TEX14: variants seen among roughly 807,000 people sequenced by gnomAD.
The protein encoded by TEX14 is inactive serine/threonine-protein kinase TEX14.
Under a neutral mutation model 178.6 loss-of-function variants are expected in TEX14, and 168 were observed. The observed-to-expected ratio is 0.94, with a 90% CI of 0.83 to 1.07. The LOEUF (loss-of-function observed/expected upper bound fraction) is 1.07. TEX14 is among the 50% of genes least tolerant of loss of function. The probability of loss-of-function intolerance (pLI) is 0.00; values close to 1 mark genes in which losing one functional copy is unlikely to be tolerated. For missense variants in TEX14, 1,730 were observed against 1,753.6 expected (o/e 0.99, Z 0.24); for synonymous variants, 626 against 634.1 (o/e 0.99, Z 0.19).
At chr17:58,576,548 A>G (rs954400561) in intron 21 of TEX14, among the ~76,000 whole-genome samples, 1 of 152,218 alleles carries the variant, frequency 6.6e-6, no homozygotes, top group Non-Finnish European at 1.5e-5. Flanking sequence ...ACTTTATCCC[A>G]GTGGTAACAT....
At chr17:58,628,887 G>GA (rs879646693) in intron 3 of TEX14, among the ~76,000 whole-genome samples, 100 of 128,520 alleles carry the variant, frequency 7.8e-4, no homozygotes, top group African/African-American at 8.5e-4. Flanking sequence ...TCCATCACAA[G>GA]AAAAAAAAAA....
chr17:58,636,850 T>C (rs1598407247), intron 2 of TEX14, among the ~76,000 whole-genome samples: 1 of 150,624 alleles, frequency 6.6e-6, no homozygotes, highest in Non-Finnish European at 1.5e-5. Flanking sequence ...GAGGCAGAGG[T>C]TGCAGTGAGC....
At chr17:58,598,757 T>C (rs781045979) in intron 14 of TEX14, 119 bp downstream of exon 14, 1 of 1,019,094 alleles carries the variant, frequency 9.8e-7, no homozygotes, top group Non-Finnish European at 1.5e-6. Flanking sequence ...GGTTACCTGA[T>C]GGCTTATCTC....
intron 3 of TEX14, among the ~76,000 whole-genome samples, chr17:58,625,077 C>T (rs183472127): frequency 1.2e-3 from 183 of 152,080 alleles, no homozygotes; most frequent in Admixed American, 2.0e-3. Context: ...ATCCTCCTTG[C>T]TGCAAAAACA....
intron 2 of TEX14, among the ~76,000 whole-genome samples, chr17:58,645,828 A>G (rs191586831): frequency 6.6e-6 from 1 of 152,332 alleles, no homozygotes; most frequent in Non-Finnish European, 1.5e-5. Context: ...CTCCCATACC[A>G]GTAAAATCCA....
At chr17:58,589,633 C>T (rs2045075023) in intron 15 of TEX14, among the ~76,000 whole-genome samples, 1 of 146,180 alleles carries the variant, frequency 6.8e-6, no homozygotes, top group Non-Finnish European at 1.5e-5. Context: ...GCCCTACTCT[C>T]CAGCTGGACC....
At chr17:58,586,819 T>G (rs2044987772) in intron 17 of TEX14, among the ~76,000 whole-genome samples, 1 of 152,168 alleles carries the variant, frequency 6.6e-6, no homozygotes, top group Non-Finnish European at 1.5e-5. Context: ...GCATGGGTTT[T>G]TTCCAGGTAG....
Position 58,599,001 on chromosome 17 carries a change from A to G in TEX14, c.2344T>C (p.Tyr782His). 1 of 1,614,132 alleles carries G rather than the reference A, an allele frequency of 6.2e-7. No homozygotes were observed. Among genetic ancestry groups the G allele is most frequent in the Middle Eastern group, 1.6e-4 (1 of 6,062 alleles). ...WATSREFTNA[Y>H]KLPLAVGPPS... The stretch of plus-strand genomic sequence containing the variant: ...GGGCCCACGGCCAGAGGTAACTTGT[A>G]GGCATTTGTAAACTCTCTTGAAGTG... Residue 782 changes from tyrosine to histidine, a missense_variant, in exon 14 of 32, where the codon TAC (tyrosine) becomes CAC (histidine). Around this residue, in one of 2 missense-constraint regions of TEX14, gnomAD observed 941 missense variants for 1,072.4 expected, o/e 0.88. Coordinates refer to ENST00000349033, the MANE Select transcript of TEX14 (RefSeq NM_031272.5).
At chr17:58,666,702 T>C (rs911615715) in intron 1 of TEX14, 1 of 152,160 alleles carries the variant, frequency 6.6e-6, no homozygotes, top group Non-Finnish European at 1.5e-5. Flanking sequence ...AATTATGAGG[T>C]ACTTGCGTGA....
Position 58,599,466 on chromosome 17 carries a change from A to G in TEX14, c.1879T>C (p.Ser627Pro). ...TCATCTTCCAAAATCAAGCAGCCTG[A>G]GTAGATCTCGTTGATTTCGAAACTG... is the stretch of plus-strand genomic sequence containing the variant. ...LCSFEINEIY[S>P]GCLILEDDIE... The change falls in exon 14 of 32, where the codon TCA (serine) becomes CCA (proline). Residue 627 changes from serine (S) to proline (P), a missense_variant. By Grantham distance (74) the Ser-to-Pro change is moderately conservative. This residue lies in a region of TEX14 where 941 missense variants were observed against 1,072.4 expected (regional missense o/e 0.88). Transcript: ENST00000349033. 1.2e-6 allele frequency: 2 copies of G among 1,604,558 alleles called. No individual in the cohort carries two copies. Among genetic ancestry groups the G allele is most frequent in the Non-Finnish European group, 1.7e-6 (2 of 1,175,762 alleles).
At position 58,569,652 on chromosome 17, in the gene TEX14, T is replaced by C. The variant is rs2044476976; in HGVS notation, c.3818-392A>G. Among the ~76,000 whole-genome samples, 1 of 152,210 alleles carries C rather than the reference T, an allele frequency of 6.6e-6. No homozygotes were observed. The highest frequency in any genetic ancestry group is 6.5e-5 in the Admixed American group (1 of 15,282). On this transcript the variant is annotated intron_variant, in intron 25 of 31. Coordinates refer to ENST00000349033, the MANE Select transcript of TEX14 (RefSeq NM_031272.5). This position sits in a 1 kb window ranked among gnomAD's most constrained non-coding sequence, Gnocchi z 4.1. ...ACAAAAGCACAAAGTAGGAGGCCTTTAACTAAATATTATCAGGCCAGGGGA... is the reference window on the plus strand; with the variant it reads ...ACAAAAGCACAAAGTAGGAGGCCTTCAACTAAATATTATCAGGCCAGGGGA...
At chr17:58,629,664 T>A (rs1489514088) in intron 3 of TEX14, among the ~76,000 whole-genome samples, 1 of 151,082 alleles carries the variant, frequency 6.6e-6, no homozygotes, top group Non-Finnish European at 1.5e-5. Flanking sequence ...TGAAACCCCG[T>A]CTCTACTAAA....
intron 1 of TEX14, chr17:58,660,317 C>T (rs2047081962): frequency 5.1e-6 from 1 of 197,990 alleles, no homozygotes; most frequent in East Asian, 1.2e-4. Context: ...AGGAGAATCT[C>T]TTGAATCCAG....
intron 2 of TEX14, among the ~76,000 whole-genome samples, chr17:58,644,638 CTTTTT>C (rs34373378): frequency 7.6e-4 from 30 of 39,574 alleles, no homozygotes; most frequent in African/African-American, 3.7e-3. Context: ...CCGCACCTGG[CTTTTT>C]TTTTTTTTTT....
At chr17:58,622,158 T>C (rs971212588) in intron 4 of TEX14, among the ~76,000 whole-genome samples, 7 of 152,128 alleles carry the variant, frequency 4.6e-5, no homozygotes, top group African/African-American at 1.4e-4. Context: ...TTAAAACACA[T>C]CACACCAGCT....
chr17:58,624,072 A>C (rs2046072591), intron 3 of TEX14, among the ~76,000 whole-genome samples: 1 of 152,166 alleles, frequency 6.6e-6, no homozygotes, highest in African/African-American at 2.4e-5. Flanking sequence ...TCACGAGGTC[A>C]GGAGATCGAG....
intron 8 of TEX14, 48 bp from the exon 9 acceptor site, chr17:58,613,592 G>A (rs758372752): frequency 5.0e-6 from 8 of 1,595,738 alleles, no homozygotes; most frequent in Admixed American, 1.8e-5. Flanking sequence ...AGGAGGATAT[G>A]ATGAAAAAAT....
intron 26 of TEX14, among the ~76,000 whole-genome samples, chr17:58,568,672 T>C (rs1172945668): frequency 6.6e-6 from 1 of 152,212 alleles, no homozygotes; most frequent in Non-Finnish European, 1.5e-5. Context: ...CAAATAAAAT[T>C]TGGTTGGTAA....
At chr17:58,572,359 G>A (rs756024113) in intron 23 of TEX14, among the ~76,000 whole-genome samples, 3 of 152,046 alleles carry the variant, frequency 2.0e-5, no homozygotes, top group Admixed American at 1.3e-4. Flanking sequence ...GGCCGGGTAC[G>A]GTGGCTCACG....
Sources: gnomAD v4.1 joint callset for allele counts (sites outside exome capture counted in the v4.1 genomes callset) on GRCh38, gnomAD v4.1.1 for gene constraint, gnomAD v4.1.1 regional missense constraint, Gnocchi (gnomAD v3.1) non-coding constraint, MANE v1.5 for transcripts, NCBI Gene and HGNC (gene_info 2026-07-23, HGNC 2026-07-21) for gene names.